NHLH1: variants seen among roughly 807,000 people sequenced by gnomAD.
The protein encoded by NHLH1 is nescient helix-loop-helix 1, also known as helix-loop-helix protein 1.
NHLH1 carries 3 observed loss-of-function variants against 6.7 expected under a neutral mutation model. That is an observed-to-expected ratio of 0.44 (90% CI 0.20 to 1.15). The LOEUF (loss-of-function observed/expected upper bound fraction) is 1.15. Among genes scored for constraint, NHLH1 ranks in the 50% most tolerant of loss-of-function variants. The pLI, the probability that NHLH1 is intolerant of heterozygous loss-of-function variation, is 0.26. For missense variants in NHLH1, 177 were observed against 189.5 expected (o/e 0.93, Z 0.39); for synonymous variants, 92 against 84.2 (o/e 1.09, Z -0.51).
chr1:160,370,815 C>T lies in NHLH1; in HGVS notation c.84C>T (p.Gly28=), dbSNP rs1403697956. The T allele has an allele frequency of 1.9e-6, 3 of 1,609,000 alleles. No individual in the cohort carries two copies. The highest frequency in any genetic ancestry group is 2.5e-6 in the Non-Finnish European group (3 of 1,178,308). ...AGTCGGGCTTCAGTGACTGTGGGGG[C>T]GGGGCGGGCCCTGATGGTGCCGGGC... is the stretch of plus-strand genomic sequence containing the variant. ...ETESGFSDCG[G]GAGPDGAGPG... is the part of the protein sequence containing the mutation. The change falls in exon 2 of 2, where the codon GGC becomes GGT. Residue 28 remains glycine (G), a synonymous_variant. Transcript: ENST00000302101.
In NHLH1 at chr1:160,371,174, C is replaced by T; in HGVS notation, c.*41C>T. 1 of 1,559,262 alleles carries T rather than the reference C, an allele frequency of 6.4e-7. No homozygotes were observed. Among genetic ancestry groups the T allele is most frequent in the Non-Finnish European group, 8.7e-7 (1 of 1,153,914 alleles). On this transcript the variant is annotated 3_prime_UTR_variant, in exon 2 of 2. Transcript: ENST00000302101. ...CACCTCCCGGGCCTCTCTGGGGCCCCTTTCCACCGCTCACTGCTTAGAAAG... is the reference window on the plus strand; with the variant it reads ...CACCTCCCGGGCCTCTCTGGGGCCCTTTTCCACCGCTCACTGCTTAGAAAG...
Position 160,371,308 on chromosome 1 carries a change from A to G in NHLH1, c.*175A>G. On this transcript the variant is annotated 3_prime_UTR_variant, in exon 2 of 2. Transcript: ENST00000302101. Reference sequence around the variant, plus strand: ...GAGGGCCTCTTCCTTTCTCTGACCCAGGCACCTCGAGGGCTATTCTCCTGG... The same window carrying G: ...GAGGGCCTCTTCCTTTCTCTGACCCGGGCACCTCGAGGGCTATTCTCCTGG... 2.0e-6 allele frequency: 2 copies of G among 983,254 alleles called. No homozygotes were observed. The highest frequency in any genetic ancestry group is 2.9e-6 in the Non-Finnish European group (2 of 691,986). The allele number at this position is 983,254 out of a possible 1,614,324, so 60.9% of individuals were successfully genotyped here. A position where few individuals can be genotyped will look rare whatever the true frequency, so the allele number is the denominator to read the frequency against.
chr1:160,368,772 G>A (rs1400185922), intron 1 of NHLH1, among the ~76,000 whole-genome samples: 2 of 152,090 alleles, frequency 1.3e-5, no homozygotes, highest in African/African-American at 2.4e-5. Flanking sequence ...GTGTTTATCC[G>A]CTCCTCCACC....
At chr1:160,368,717 G>A (rs1379115890) in intron 1 of NHLH1, among the ~76,000 whole-genome samples, 2 of 152,164 alleles carry the variant, frequency 1.3e-5, no homozygotes, top group African/African-American at 4.8e-5. Flanking sequence ...GGGCAGCTGC[G>A]CAGAGCTCCA....
rs1392198834 is a variant in NHLH1 at position 160,370,626 on chromosome 1, C to T, written c.-106C>T. On this transcript the variant is annotated 5_prime_UTR_variant, in exon 2 of 2. Transcript: ENST00000302101. ...ACTTCTAGAGCTCAGTGGCAGACCCCACGACCCTTCCTCCCCCTTCCTCCC... is the reference window on the plus strand; with the variant it reads ...ACTTCTAGAGCTCAGTGGCAGACCCTACGACCCTTCCTCCCCCTTCCTCCC... 2 of 1,145,676 alleles carry T rather than the reference C, an allele frequency of 1.7e-6. No homozygotes were observed. The highest frequency in any genetic ancestry group is 2.2e-5 in the Admixed American group (1 of 45,610). 71.0% of individuals were successfully genotyped at this position (1,145,676 alleles called of 1,614,324 possible).
intron 1 of NHLH1, among the ~76,000 whole-genome samples, chr1:160,370,232 G>A (rs1369756247): frequency 1.3e-5 from 2 of 152,062 alleles, no homozygotes; most frequent in African/African-American, 4.8e-5. Context: ...TTTCTTCTAG[G>A]AGTTTTATGG....
chr1:160,370,867 C>G lies in NHLH1; in HGVS notation c.136C>G (p.Arg46Gly), dbSNP rs750576899. 9 of 1,605,906 alleles carry G rather than the reference C, an allele frequency of 5.6e-6. No homozygotes were observed. Among genetic ancestry groups the G allele is most frequent in the Non-Finnish European group, 7.6e-6 (9 of 1,176,642 alleles). The change falls in exon 2 of 2, where the codon CGA (arginine) becomes GGA (glycine). Residue 46 changes from arginine to glycine, a missense_variant. Physicochemically the swap from Arg to Gly is moderately radical, Grantham distance 125. Coordinates refer to ENST00000302101, the MANE Select transcript of NHLH1 (RefSeq NM_005598.4). ...TGGGGGTCCGGGAGGGGGCCAGGCCCGAGGCCCAGAGCCGGGAGAGCCTGG... is the reference window on the plus strand; with the variant it reads ...TGGGGGTCCGGGAGGGGGCCAGGCCGGAGGCCCAGAGCCGGGAGAGCCTGG... ...GPGGPGGGQA[R>G]GPEPGEPGRK...
rs1180368663 is a variant in NHLH1 at position 160,371,346 on chromosome 1, G to A, written c.*213G>A. ...GCTATTCTCCTGGGTTCCTTCCGGG[G>A]TTTATTGCTGAGGCCCAGCTGTGCA... On this transcript the variant is annotated 3_prime_UTR_variant, in exon 2 of 2. Coordinates refer to ENST00000302101, the MANE Select transcript of NHLH1 (RefSeq NM_005598.4). 2.9e-6 allele frequency: 2 copies of A among 696,642 alleles called. No individual in the cohort carries two copies. The highest frequency in any genetic ancestry group is 1.9e-5 in the African/African-American group (1 of 52,820). 43.2% of individuals were successfully genotyped at this position (696,642 alleles called of 1,614,324 possible).
At chr1:160,368,837 G>T (rs998678219) in intron 1 of NHLH1, among the ~76,000 whole-genome samples, 1 of 152,196 alleles carries the variant, frequency 6.6e-6, no homozygotes, top group African/African-American at 2.4e-5. Flanking sequence ...CAGGGCCAAG[G>T]CTTGTATTCT....
At position 160,371,313 on chromosome 1, in the gene NHLH1, C is replaced by T. The variant is rs1649621313; in HGVS notation, c.*180C>T. On this transcript the variant is annotated 3_prime_UTR_variant, in exon 2 of 2. Transcript: ENST00000302101. ...CCTCTTCCTTTCTCTGACCCAGGCACCTCGAGGGCTATTCTCCTGGGTTCC... is the reference window on the plus strand; with the variant it reads ...CCTCTTCCTTTCTCTGACCCAGGCATCTCGAGGGCTATTCTCCTGGGTTCC... 10 of 959,890 alleles carry T rather than the reference C, an allele frequency of 1.0e-5. No individual in the cohort carries two copies. The Admixed American group carries it at 3.4e-4, about 33-fold the overall frequency. The allele number at this position is 959,890 out of a possible 1,614,324, so 59.5% of individuals were successfully genotyped here. A position where few individuals can be genotyped will look rare whatever the true frequency, so the allele number is the denominator to read the frequency against.
intron 1 of NHLH1, among the ~76,000 whole-genome samples, chr1:160,367,797 C>CTGTGATAGA (rs1391606505): frequency 6.6e-6 from 1 of 152,056 alleles, no homozygotes; most frequent in Non-Finnish European, 1.5e-5. Flanking sequence ...GAGAATTAGC[C>CTGTGATAGA]TGTGATAGAT....
At chr1:160,367,625 G>T (rs547890441) in intron 1 of NHLH1, among the ~76,000 whole-genome samples, 5 of 152,154 alleles carry the variant, frequency 3.3e-5, no homozygotes, top group African/African-American at 9.7e-5. Flanking sequence ...GGATTTGGGG[G>T]TGAGGACTTG....
chr1:160,368,367 A>G (rs1160325400), intron 1 of NHLH1, among the ~76,000 whole-genome samples: 1 of 152,166 alleles, frequency 6.6e-6, no homozygotes, highest in Admixed American at 6.5e-5. Context: ...TGGTCCTAGG[A>G]CAAGCAAACC....
chr1:160,372,368 T>G lies in NHLH1; in HGVS notation c.*1235T>G, dbSNP rs45512896. 1 of 125,128 alleles carries G rather than the reference T, an allele frequency of 8.0e-6. No individual in the cohort carries two copies. The highest frequency in any genetic ancestry group is 4.5e-5 in the African/African-American group (1 of 22,226). 7.8% of individuals were successfully genotyped at this position (125,128 alleles called of 1,614,324 possible). ...ATTTATTTATTTATTCATCTATTTA[T>G]TTACTTATTTATTTATTTATAAATA... On this transcript the variant is annotated 3_prime_UTR_variant, in exon 2 of 2. Transcript: ENST00000302101.
At chr1:160,368,723 C>T (rs929484567) in intron 1 of NHLH1, among the ~76,000 whole-genome samples, 2 of 152,144 alleles carry the variant, frequency 1.3e-5, no homozygotes, top group African/African-American at 4.8e-5. Context: ...CTGCGCAGAG[C>T]TCCATATGTC....
rs1465370306 is a variant in NHLH1 at position 160,371,211 on chromosome 1, C to T, written c.*78C>T. The T allele has an allele frequency of 6.6e-7, 1 of 1,522,596 alleles. No homozygotes were observed. The highest frequency in any genetic ancestry group is 8.8e-7 in the Non-Finnish European group (1 of 1,137,648). The allele number at this position is 1,522,596 out of a possible 1,614,324, so 94.3% of individuals were successfully genotyped here. ...CACTGCTTAGAAAGGCCGCATCCTC[C>T]CCGAGCCCTTATACCTTGGCATGGA... On this transcript the variant is annotated 3_prime_UTR_variant, in exon 2 of 2. Transcript: ENST00000302101.
intron 1 of NHLH1, among the ~76,000 whole-genome samples, chr1:160,368,461 G>A (rs1404142277): frequency 1.3e-5 from 2 of 152,220 alleles, no homozygotes; most frequent in African/African-American, 4.8e-5. Flanking sequence ...GGCTATGGGA[G>A]AGTATGGGGG....
chr1:160,370,566 T>A lies in NHLH1; in HGVS notation c.-166T>A, dbSNP rs944632470. On this transcript the variant is annotated 5_prime_UTR_variant, in exon 2 of 2. Coordinates refer to ENST00000302101, the MANE Select transcript of NHLH1 (RefSeq NM_005598.4). ...CTCTTCTCTTTTTCAGGCTTCAGAC[T>A]GGCACCCTGACCATGGAACCCTGAA... 5.4e-5 allele frequency: 34 copies of A among 635,356 alleles called. No individual in the cohort carries two copies. Among genetic ancestry groups the A allele is most frequent in the Non-Finnish European group, 7.5e-5 (27 of 360,202 alleles). The allele number at this position is 635,356 out of a possible 1,614,324, so 39.4% of individuals were successfully genotyped here.
chr1:160,370,626 C>G lies in NHLH1; in HGVS notation c.-106C>G. ...ACTTCTAGAGCTCAGTGGCAGACCC[C>G]ACGACCCTTCCTCCCCCTTCCTCCC... On this transcript the variant is annotated 5_prime_UTR_variant, in exon 2 of 2. Transcript: ENST00000302101. The G allele has an allele frequency of 8.7e-7, 1 of 1,145,680 alleles. No individual in the cohort carries two copies. Among genetic ancestry groups the G allele is most frequent in the East Asian group, 2.5e-5 (1 of 39,734 alleles). 71.0% of individuals were successfully genotyped at this position (1,145,680 alleles called of 1,614,324 possible).
Sources: allele counts gnomAD v4.1 joint callset (sites outside exome capture counted in the v4.1 genomes callset), GRCh38; gene constraint gnomAD v4.1.1; transcripts MANE v1.5; gene names NCBI Gene and HGNC (gene_info 2026-07-23, HGNC 2026-07-21).